Variants in CSMD1 observed in about 807,000 individuals in gnomAD.
The protein encoded by CSMD1 is CUB and sushi domain-containing protein 1.
CSMD1 carries 213 observed loss-of-function variants against 417.5 expected under a neutral mutation model. That is an observed-to-expected ratio of 0.51 (90% CI 0.46 to 0.57). The LOEUF (loss-of-function observed/expected upper bound fraction) is 0.57. CSMD1 is among the 20% of genes least tolerant of loss of function. The pLI, the probability that CSMD1 is intolerant of heterozygous loss-of-function variation, is 0.00. For missense variants in CSMD1, 6,923 were observed against 4,529.7 expected, an observed-to-expected ratio of 1.53 and a Z score of -15.17; for synonymous variants, 2,862 against 1,736.8, an observed-to-expected ratio of 1.65 and a Z score of -16.11.
At chr8:3,439,296 TATATATATATATA>T (rs1317433527) in intron 12 of CSMD1, among the ~76,000 whole-genome samples, 53 of 50,516 alleles carry the variant, frequency 1.0e-3, no homozygotes, top group African/African-American at 6.3e-3. Context: ...TATATATATA[TATATATATATATA>T]TTTTTTTTTT....
chr8:3,312,447 AATAC>A (rs1312037602), intron 23 of CSMD1, among the ~76,000 whole-genome samples: 1 of 152,180 alleles, frequency 6.6e-6, no homozygotes, highest in Non-Finnish European at 1.5e-5. Flanking sequence ...CTTTTTATAA[AATAC>A]ATTCCTCTTT....
chr8:4,673,771 T>A (rs1017508850), intron 1 of CSMD1, among the ~76,000 whole-genome samples: 1 of 152,216 alleles, frequency 6.6e-6, no homozygotes, highest in South Asian at 2.1e-4. Flanking sequence ...AGGTCACACA[T>A]TGTATGATTA....
chr8:4,609,527 T>C (rs1440711744), intron 2 of CSMD1, among the ~76,000 whole-genome samples: 1 of 152,222 alleles, frequency 6.6e-6, no homozygotes, highest in African/African-American at 2.4e-5. Context: ...AACAACACTA[T>C]GCTTTCTTTA....
chr8:4,300,166 A>T (rs1256943141), intron 3 of CSMD1, among the ~76,000 whole-genome samples: 2 of 151,408 alleles, frequency 1.3e-5, no homozygotes, highest in Non-Finnish European at 2.9e-5. Context: ...AAACAACAAC[A>T]AAACAGACAA....
intron 23 of CSMD1, among the ~76,000 whole-genome samples, chr8:3,328,898 C>T (rs759468928): frequency 6.6e-6 from 1 of 152,216 alleles, no homozygotes; most frequent in Non-Finnish European, 1.5e-5. Context: ...TTATATCATT[C>T]CTTCAAAATA....
intron 3 of CSMD1, among the ~76,000 whole-genome samples, chr8:4,134,777 C>T (rs1261835131): frequency 1.3e-5 from 2 of 152,212 alleles, no homozygotes; most frequent in Non-Finnish European, 2.9e-5. Flanking sequence ...GAGCCATTCT[C>T]AACACGGCAT....
intron 31 of CSMD1, among the ~76,000 whole-genome samples, chr8:3,203,233 A>T (rs953307551): frequency 5.3e-5 from 8 of 152,186 alleles, no homozygotes; most frequent in East Asian, 3.9e-4. Flanking sequence ...TGAGTACAAG[A>T]TGTCAGGAGC....
intron 5 of CSMD1, among the ~76,000 whole-genome samples, chr8:3,991,444 G>C (rs949943628): frequency 2.6e-5 from 4 of 152,114 alleles, no homozygotes; most frequent in Admixed American, 6.5e-5. Flanking sequence ...ACATCAGCTT[G>C]TCATTCATGT....
At chr8:3,884,625 A>C (rs543759500) in intron 5 of CSMD1, among the ~76,000 whole-genome samples, 14 of 152,156 alleles carry the variant, frequency 9.2e-5, no homozygotes, top group Non-Finnish European at 1.5e-4. Context: ...TTGGTTAAAC[A>C]AAAAGACGTT....
At chr8:4,853,457 A>T (rs1311849404) in intron 1 of CSMD1, among the ~76,000 whole-genome samples, 2 of 152,188 alleles carry the variant, frequency 1.3e-5, no homozygotes, top group Non-Finnish European at 2.9e-5. Context: ...ACAGTGTGAT[A>T]TTAAGCCTGC....
intron 3 of CSMD1, among the ~76,000 whole-genome samples, chr8:4,051,146 C>A (rs913967825): frequency 2.6e-5 from 4 of 151,990 alleles, no homozygotes; most frequent in South Asian, 4.2e-4. Context: ...AGAAAAAAGA[C>A]CAGGAGTAGA....
At chr8:3,882,559 T>C (rs548059775) in intron 5 of CSMD1, among the ~76,000 whole-genome samples, 99 of 152,294 alleles carry the variant, frequency 6.5e-4, no homozygotes, top group African/African-American at 2.3e-3. Flanking sequence ...CTTAGGCATA[T>C]ACCCAATATT....
intron 5 of CSMD1, among the ~76,000 whole-genome samples, chr8:3,923,540 C>T (rs913588102): frequency 6.6e-6 from 1 of 152,118 alleles, no homozygotes; most frequent in Admixed American, 6.6e-5. Context: ...ATTTCCCACA[C>T]AGAACAGGAT....
intron 7 of CSMD1, among the ~76,000 whole-genome samples, chr8:3,691,045 A>G (rs577853586): frequency 1.3e-5 from 2 of 152,096 alleles, no homozygotes; most frequent in South Asian, 4.2e-4. Context: ...TTTTCTCTCT[A>G]ACACACATGG....
At position 3,052,502 on chromosome 8, in the gene CSMD1, A is replaced by C. The variant is rs1164335610; in HGVS notation, c.7620T>G (p.Asp2540Glu). Residue 2540 changes from aspartate to glutamate, a missense_variant, in exon 50 of 70, where the codon GAT becomes GAG. Coordinates refer to ENST00000635120, the MANE Select transcript of CSMD1 (RefSeq NM_033225.6). Reference sequence around the variant, plus strand: ...GCTTCCCCTTGTTACTCCACAACCCATCTTCTTGACACACGGCTGTTGCTT... The same window carrying C: ...GCTTCCCCTTGTTACTCCACAACCCCTCTTCTTGACACACGGCTGTTGCTT... Reference protein sequence around the residue: ...SQQATAVCQEDGLWSNKGKPP... With the variant: ...SQQATAVCQEEGLWSNKGKPP... The C allele has an allele frequency of 1.9e-6, 3 of 1,596,874 alleles. No individual in the cohort carries two copies. Among genetic ancestry groups the C allele is most frequent in the African/African-American group, 2.7e-5 (2 of 74,812 alleles).
chr8:3,093,310 G>T (rs527328631), intron 47 of CSMD1, among the ~76,000 whole-genome samples: 1 of 152,176 alleles, frequency 6.6e-6, no homozygotes, highest in Non-Finnish European at 1.5e-5. Flanking sequence ...AGGCTTGGAG[G>T]AGAGTCCCGC....
chr8:3,652,585 C>T (rs1050606097), intron 7 of CSMD1, among the ~76,000 whole-genome samples: 3 of 152,194 alleles, frequency 2.0e-5, no homozygotes, highest in Admixed American at 6.5e-5. Context: ...AAAGGCATGT[C>T]GTACACGGTG....
Position 3,162,171 on chromosome 8 carries a change from C to A in CSMD1, c.5832G>T (p.Gly1944=). 3 of 1,602,958 alleles carry A rather than the reference C, an allele frequency of 1.9e-6. No homozygotes were observed. Among genetic ancestry groups the A allele is most frequent in the East Asian group, 2.2e-5 (1 of 44,618 alleles). ...NDVLSFQCEP[G]YTLQGRSHIS... The stretch of plus-strand genomic sequence containing the variant: ...AGAAGAAGGATACCTGCAGGGTGTA[C>A]CCGGGCTCGCACTGGAAGGAGAGCA... Residue 1944 remains glycine (G), a synonymous_variant, in exon 38 of 70, where the codon GGG becomes GGT. Transcript: ENST00000635120.
chr8:4,645,796 T>C (rs1466103208), intron 1 of CSMD1, among the ~76,000 whole-genome samples: 2 of 152,160 alleles, frequency 1.3e-5, no homozygotes, highest in Non-Finnish European at 2.9e-5. Flanking sequence ...CTTTACCCTG[T>C]TGTCCTTTAG....
Sources: gnomAD v4.1 joint callset for allele counts (sites outside exome capture counted in the v4.1 genomes callset) on GRCh38, gnomAD v4.1.1 for gene constraint, MANE v1.5 for transcripts, NCBI Gene and HGNC (gene_info 2026-07-23, HGNC 2026-07-21) for gene names.